Variants in LDHAL6A observed in about 807,000 individuals in gnomAD.
LDHAL6A encodes lactate dehydrogenase A like 6A.
In LDHAL6A, 19 loss-of-function variants were observed where a neutral mutation model predicts 28.2. The ratio of observed to expected loss-of-function variants is 0.67; its 90% CI spans 0.47 to 0.99. The LOEUF is 0.99. Ranked by LOEUF, LDHAL6A falls within the 50% of genes least tolerant of loss-of-function variation. The pLI is 0.00. For synonymous variants in LDHAL6A, 144 were observed against 134.4 expected, an observed-to-expected ratio of 1.07 and a Z score of -0.49; for missense variants, 372 against 398.6, an observed-to-expected ratio of 0.93 and a Z score of 0.57.
intron 3 of LDHAL6A, among the ~76,000 whole-genome samples, chr11:18,467,862 AATAT>A (rs1178362267): frequency 1.5e-5 from 1 of 65,638 alleles, no homozygotes; most frequent in African/African-American, 6.8e-5. Context: ...TCTCAAAAAA[AATAT>A]ATATATATAC....
intron 1 of LDHAL6A, among the ~76,000 whole-genome samples, chr11:18,459,977 T>C (rs1157909398): frequency 1.3e-5 from 2 of 152,202 alleles, no homozygotes; most frequent in African/African-American, 4.8e-5. Flanking sequence ...TTTCATCACA[T>C]CATATCCCGG....
At chr11:18,468,062 C>CATATAT (rs148813517) in intron 3 of LDHAL6A, among the ~76,000 whole-genome samples, 1,054 of 30,692 alleles carry the variant, frequency 0.034, 96 homozygotes, top group Non-Finnish European at 0.056. Context: ...TATATATATA[C>CATATAT]ATATATATAT....
chr11:18,467,029 C>T (rs540321330), intron 3 of LDHAL6A, among the ~76,000 whole-genome samples: 26 of 152,092 alleles, frequency 1.7e-4, no homozygotes, highest in African/African-American at 6.3e-4. Flanking sequence ...GGGAAGGAGG[C>T]AGGGATGTTA....
chr11:18,473,227 G>A (rs76382327), intron 3 of LDHAL6A, among the ~76,000 whole-genome samples: 2,495 of 152,230 alleles, frequency 0.016, 34 homozygotes, highest in South Asian at 0.025. Flanking sequence ...CAAAGAGATA[G>A]CAAGGTATTC....
chr11:18,463,825 T>A, intron 1 of LDHAL6A, 136 bp from the exon 2 acceptor site: 1 of 608,382 alleles, frequency 1.6e-6, no homozygotes, highest in South Asian at 2.2e-5. Context: ...GACAAAATGA[T>A]GAGATCATTT....
chr11:18,458,101 G>T (rs1848805464), intron 1 of LDHAL6A, among the ~76,000 whole-genome samples: 1 of 152,168 alleles, frequency 6.6e-6, no homozygotes, highest in Non-Finnish European at 1.5e-5. Context: ...GCCAGCTGCT[G>T]CTTGGCTTTG....
At position 18,476,389 on chromosome 11, in the gene LDHAL6A, G is replaced by T. The variant is rs759690280; in HGVS notation, c.598G>T (p.Val200Leu). The T allele has an allele frequency of 6.2e-7, 1 of 1,612,812 alleles. No individual in the cohort carries two copies. Among genetic ancestry groups the T allele is most frequent in the South Asian group, 1.1e-5 (1 of 90,792 alleles). Residue 200 changes from valine to leucine, a missense_variant, in exon 5 of 7, where the codon GTG (valine) becomes TTG (leucine). Around this residue, in one of 3 missense-constraint regions of LDHAL6A, gnomAD observed 291 missense variants for 302.9 expected, o/e 0.96. Transcript: ENST00000280706. ...LGEHGDSSVP[V>L]WSGVNIAGVP... ...TTTGGGTGTCTCTTTCTTAGTTCCT[G>T]TGTGGAGTGGTGTGAACATTGCTGG...
chr11:18,476,658 A>G, intron 5 of LDHAL6A, 157 bp downstream of exon 5: 3 of 968,558 alleles, frequency 3.1e-6, no homozygotes, highest in Non-Finnish European at 3.7e-6. Flanking sequence ...CAGATTATAA[A>G]TTCTTCAACA....
chr11:18,469,328 TATG>T (rs1157814276), intron 3 of LDHAL6A: 1 of 437,056 alleles, frequency 2.3e-6, no homozygotes, highest in Non-Finnish European at 4.1e-6. Flanking sequence ...ATTAAGGTTA[TATG>T]ATAACAAATT....
chr11:18,472,217 T>TA (rs1849271902), intron 3 of LDHAL6A, among the ~76,000 whole-genome samples: 1 of 152,288 alleles, frequency 6.6e-6, no homozygotes, highest in Non-Finnish European at 1.5e-5. Flanking sequence ...ACGAACCTCT[T>TA]AAGGCCCAGG....
intron 1 of LDHAL6A, among the ~76,000 whole-genome samples, chr11:18,458,309 G>A (rs1375141556): frequency 6.6e-6 from 1 of 152,138 alleles, no homozygotes; most frequent in African/African-American, 2.4e-5. Context: ...GGAGGCACAG[G>A]CCCCACCGGG....
chr11:18,475,492 A>G lies in LDHAL6A; in HGVS notation c.445A>G (p.Lys149Glu). The G allele has an allele frequency of 6.2e-7, 1 of 1,613,808 alleles. No homozygotes were observed. Among genetic ancestry groups the G allele is most frequent in the Non-Finnish European group, 8.5e-7 (1 of 1,179,828 alleles). The change falls in exon 4 of 7, where the codon AAG (lysine) becomes GAG (glutamate). Residue 149 changes from lysine to glutamate, a missense_variant. By Grantham distance (56) the Lys-to-Glu change is moderately conservative. Coordinates refer to ENST00000280706, the MANE Select transcript of LDHAL6A (RefSeq NM_144972.5). ...GGATATCTTAACTTATGTAGCCTGGAAGTTGAGTGGATTTCCCAAAAACCG... is the reference window on the plus strand; with the variant it reads ...GGATATCTTAACTTATGTAGCCTGGGAGTTGAGTGGATTTCCCAAAAACCG... Reference protein sequence around the residue: ...PVDILTYVAWKLSGFPKNRVI... With the variant: ...PVDILTYVAWELSGFPKNRVI...
chr11:18,469,900 C>T (rs1309020273), intron 3 of LDHAL6A, among the ~76,000 whole-genome samples: 2 of 152,130 alleles, frequency 1.3e-5, no homozygotes, highest in African/African-American at 4.8e-5. Context: ...TGATACCACT[C>T]AGGAAAGATT....
chr11:18,464,022 T>C lies in LDHAL6A; in HGVS notation c.188T>C (p.Met63Thr), dbSNP rs1231938541. 2.9e-5 allele frequency: 46 copies of C among 1,614,002 alleles called. No homozygotes were observed. Among genetic ancestry groups the C allele is most frequent in the Non-Finnish European group, 3.9e-5 (46 of 1,179,984 alleles). ...GAAGGCAAACTGAAGGGTGAGACAA[T>C]GGATCTTCAACATGGCAGCCCTTTT... is the stretch of plus-strand genomic sequence containing the variant. The part of the protein sequence containing the change: ...VDEGKLKGET[M>T]DLQHGSPFMK... The change falls in exon 2 of 7, where the codon ATG (methionine) becomes ACG (threonine). Residue 63 changes from methionine to threonine, a missense_variant. By Grantham distance (81) the Met-to-Thr change is moderately conservative (BLOSUM62 -1). This residue lies in a region of LDHAL6A where 77 missense variants were observed against 77.9 expected (regional missense o/e 0.99). Coordinates refer to ENST00000280706, the MANE Select transcript of LDHAL6A (RefSeq NM_144972.5).
intron 2 of LDHAL6A, among the ~76,000 whole-genome samples, chr11:18,464,468 A>G (rs938911461): frequency 2.0e-5 from 3 of 152,142 alleles, no homozygotes; most frequent in Non-Finnish European, 2.9e-5. Flanking sequence ...TAATCCCAGA[A>G]CTTTGGGAGG....
intron 3 of LDHAL6A, among the ~76,000 whole-genome samples, chr11:18,469,668 T>G (rs1207334711): frequency 6.6e-6 from 1 of 152,204 alleles, no homozygotes; most frequent in South Asian, 2.1e-4. Context: ...ATCAAATATA[T>G]CTTCCATATC....
In LDHAL6A at chr11:18,467,936, TACACACAC is replaced by T. The variant is rs1209697435; in HGVS notation, c.418+2128_418+2135del. Among the ~76,000 whole-genome samples the T allele has an allele frequency of 1.1e-3, 71 of 64,996 alleles. 1 individual carries two copies. Among genetic ancestry groups the T allele is most frequent in the South Asian group, 2.1e-3 (3 of 1,398 alleles). 42.6% of individuals were successfully genotyped at this position (64,996 alleles called of 152,430 possible). On this transcript the variant is annotated intron_variant, in intron 3 of 6. Coordinates refer to ENST00000280706, the MANE Select transcript of LDHAL6A (RefSeq NM_144972.5). ...ATATATATACACACACATATATATA[TACACACAC>T]ATATATATATACGTATATATATACG...
At position 18,478,796 on chromosome 11, in the gene LDHAL6A, A is replaced by C. The variant is rs1849460269; in HGVS notation, c.925A>C (p.Thr309Pro). The change falls in exon 7 of 7, where the codon ACT becomes CCT. Residue 309 changes from threonine to proline, a missense_variant. By Grantham distance (38) the Thr-to-Pro change is conservative. Around this residue, in one of 3 missense-constraint regions of LDHAL6A, gnomAD observed 291 missense variants for 302.9 expected, o/e 0.96. Transcript: ENST00000280706. Reference protein sequence around the residue: ...GITDLIKVKLTLEEEACLQKS... With the variant: ...GITDLIKVKLPLEEEACLQKS... ...CACAGACCTCATAAAAGTAAAACTG[A>C]CTCTTGAAGAGGAGGCCTGCTTGCA... The C allele has an allele frequency of 1.2e-6, 2 of 1,613,794 alleles. No homozygotes were observed. Among genetic ancestry groups the C allele is most frequent in the Non-Finnish European group, 1.7e-6 (2 of 1,179,854 alleles).
rs34725499 is a variant in LDHAL6A, at chr11:18,466,288, C to CTCT, written c.418+479_418+481dup. Among the ~76,000 whole-genome samples, 387 of 151,596 alleles carry CTCT rather than the reference C, an allele frequency of 2.6e-3. 2 individuals are homozygous for CTCT. Among genetic ancestry groups the CTCT allele is most frequent in the African/African-American group, 9.0e-3 (372 of 41,286 alleles). On this transcript the variant is annotated intron_variant, in intron 3 of 6. Transcript: ENST00000280706. ...TAAACCACCAGTATAATTCCAGAAT[C>CTCT]TCTGTTTTGTTAGTGTAATATGTAC...
Sources: allele counts gnomAD v4.1 joint callset (sites outside exome capture counted in the v4.1 genomes callset), GRCh38; gene constraint gnomAD v4.1.1; regional missense constraint gnomAD v4.1.1; transcripts MANE v1.5; gene names NCBI Gene and HGNC (gene_info 2026-07-23, HGNC 2026-07-21).